Variants in ANO4 observed in about 807,000 individuals in gnomAD.
The protein encoded by ANO4 is anoctamin-4.
ANO4 carries 69 observed loss-of-function variants against 141.9 expected under a neutral mutation model. The observed-to-expected ratio is 0.49, with a 90% CI of 0.40 to 0.59. The LOEUF is 0.59. Among genes scored for constraint, ANO4 ranks in the 20% least tolerant of loss-of-function variants. The pLI is 0.00. For missense variants in ANO4, 894 were observed against 1,162.2 expected (o/e 0.77, Z 3.36); for synonymous variants, 350 against 394.3 (o/e 0.89, Z 1.33).
Position 100,721,685 on chromosome 12 carries a change from G to A in ANO4, c.22+4138G>A, listed in dbSNP as rs984331446. Among the ~76,000 whole-genome samples the A allele has an allele frequency of 2.0e-5, 3 of 151,840 alleles. No individual in the cohort carries two copies. The East Asian group carries it at 5.8e-4, about 29-fold the overall frequency. On this transcript the variant is annotated intron_variant, in intron 1 of 29. Coordinates refer to the ANO4 transcript ENST00000644049. ...TAACAGTGACCTTGAGTAAATTTTT[G>A]TTTGTTTGTTTGAGACAATGTCTCA...
At chr12:100,771,192 A>G (rs1329317436) in intron 3 of ANO4, among the ~76,000 whole-genome samples, 1 of 151,740 alleles carries the variant, frequency 6.6e-6, no homozygotes, top group Non-Finnish European at 1.5e-5. Context: ...GGCAGGAAAG[A>G]AGGGTTTGAT....
intron 5 of ANO4, 101 bp from the exon 6 acceptor site, chr12:100,971,202 AATC>A: frequency 2.8e-6 from 2 of 704,200 alleles, no homozygotes; most frequent in Non-Finnish European, 4.7e-6. Flanking sequence ...GAATGCCCCA[AATC>A]ATAAACTCTG....
intron 14 of ANO4, among the ~76,000 whole-genome samples, chr12:101,069,466 G>A (rs1454160750): frequency 6.6e-6 from 1 of 152,184 alleles, no homozygotes; most frequent in Admixed American, 6.5e-5. Context: ...CCTCTGGGCA[G>A]AATCTAAATA....
At chr12:100,809,404 T>C (rs995293110) in intron 1 of ANO4, among the ~76,000 whole-genome samples, 9 of 138,624 alleles carry the variant, frequency 6.5e-5, no homozygotes, top group African/African-American at 1.9e-4. Context: ...AAAAAAAGGG[T>C]AATGTGCTTT....
chr12:100,793,274 T>C (rs567287013), upstream of ANO4, among the ~76,000 whole-genome samples: 8 of 152,344 alleles, frequency 5.3e-5, no homozygotes, highest in African/African-American at 1.9e-4. Context: ...TTTCCTTATA[T>C]AATTTACAAG....
intron 1 of ANO4, among the ~76,000 whole-genome samples, chr12:100,726,951 T>G: frequency 7.2e-6 from 1 of 138,910 alleles, no homozygotes; most frequent in African/African-American, 2.6e-5. Context: ...ATTTAATAGT[T>G]GCCCCGGGAC....
intron 2 of ANO4, among the ~76,000 whole-genome samples, chr12:100,910,682 G>T (rs1429623649): frequency 6.6e-6 from 1 of 152,062 alleles, no homozygotes; most frequent in African/African-American, 2.4e-5. Flanking sequence ...CCCAGCTAAT[G>T]ACTATGCCAT....
intron 1 of ANO4, among the ~76,000 whole-genome samples, chr12:100,818,692 C>T (rs17401978): frequency 0.23 from 35,599 of 151,744 alleles, 4,727 homozygotes; most frequent in Middle Eastern, 0.33. Context: ...ATTGCTAAAC[C>T]TTTCTGGATT....
In ANO4 at chr12:100,922,288, A is replaced by G; in HGVS notation, c.118A>G (p.Ser40Gly). Residue 40 changes from serine to glycine, a missense_variant, in exon 3 of 28, where the codon AGT (serine) becomes GGT (glycine). Around this residue, in one of 2 missense-constraint regions of ANO4, gnomAD observed 257 missense variants for 253.0 expected, o/e 1.02. Coordinates refer to ENST00000392977, the MANE Select transcript of ANO4 (RefSeq NM_001286615.2). ...GCAAATACTACCTGACGGGCCAAAG[A>G]GTGATGTGGACTTTTCAGAGATTCT... ...DMQILPDGPK[S>G]DVDFSEILNA... The G allele has an allele frequency of 6.5e-7, 1 of 1,533,354 alleles. No individual in the cohort carries two copies. The allele number at this position is 1,533,354 out of a possible 1,614,324, so 95.0% of individuals were successfully genotyped here.
chr12:100,877,749 A>G (rs771790491), intron 1 of ANO4, among the ~76,000 whole-genome samples: 13 of 152,054 alleles, frequency 8.5e-5, no homozygotes, highest in Non-Finnish European at 7.4e-5. Flanking sequence ...GCAAGTACAG[A>G]GTAGAGGGAT....
chr12:101,074,347 C>T (rs921202018), intron 14 of ANO4, among the ~76,000 whole-genome samples: 1 of 152,196 alleles, frequency 6.6e-6, no homozygotes, highest in Admixed American at 6.5e-5. Context: ...CACGGTCTCA[C>T]TGGGTCACCT....
rs368523960 is a variant in ANO4, at chr12:100,950,619, G to A, written c.456+8084G>A. Among the ~76,000 whole-genome samples, 6 of 152,174 alleles carry A rather than the reference G, an allele frequency of 3.9e-5. No homozygotes were observed. The East Asian group carries it at 1.2e-3, about 29-fold the overall frequency. ...GCAGAAGAGAACAGCTAAGCCAAAA[G>A]CATGGCCTCAGCTGGACACTACCTT... On this transcript the variant is annotated intron_variant, in intron 5 of 27. Transcript: ENST00000392977.
At chr12:100,926,856 T>C (rs779954914) in intron 3 of ANO4, among the ~76,000 whole-genome samples, 14 of 151,724 alleles carry the variant, frequency 9.2e-5, no homozygotes, top group South Asian at 6.3e-4. Context: ...AGGCTTCTGG[T>C]AGGGGGAATG....
At chr12:101,010,814 A>T (rs530205225) in intron 8 of ANO4, among the ~76,000 whole-genome samples, 1 of 152,296 alleles carries the variant, frequency 6.6e-6, no homozygotes, top group African/African-American at 2.4e-5. Context: ...ATCAGAAAAG[A>T]CTGGTATGTT....
At chr12:100,937,465 A>C (rs2042330582) in intron 3 of ANO4, among the ~76,000 whole-genome samples, 3 of 152,162 alleles carry the variant, frequency 2.0e-5, no homozygotes, top group Non-Finnish European at 2.9e-5. Flanking sequence ...CTCCCAAAAC[A>C]CTGGACATAT....
rs190167099 is a variant in ANO4 at position 101,110,441 on chromosome 12, T to C, written c.2187T>C (p.Ala729=). The part of the protein sequence containing the change: ...QFGFTTIFVA[A]FPLAPLLALL... ...GATTCACAACTATCTTTGTGGCAGC[T>C]TTTCCCCTAGCACCACTTCTGGCCT... The change falls in exon 23 of 28, where the codon GCT becomes GCC. Residue 729 remains alanine (A), a synonymous_variant. Coordinates refer to ENST00000392977, the MANE Select transcript of ANO4 (RefSeq NM_001286615.2). The C allele has an allele frequency of 1.9e-6, 3 of 1,607,792 alleles. No homozygotes were observed. In the African/African-American group the frequency reaches 4.0e-5, roughly 21 times the overall value.
At chr12:100,855,893 A>G (rs1565940458) in intron 1 of ANO4, among the ~76,000 whole-genome samples, 1 of 152,204 alleles carries the variant, frequency 6.6e-6, no homozygotes, top group African/African-American at 2.4e-5. Flanking sequence ...GGATATAGAT[A>G]TACTATCAAC....
At chr12:100,864,034 TG>T (rs1168104198) in intron 1 of ANO4, among the ~76,000 whole-genome samples, 1 of 152,196 alleles carries the variant, frequency 6.6e-6, no homozygotes. Flanking sequence ...TGTTTTCCTC[TG>T]GGTTGGCTTC....
At chr12:101,116,584 C>T in intron 24 of ANO4, 95 bp from the exon 25 acceptor site, 4 of 1,564,076 alleles carry the variant, frequency 2.6e-6, no homozygotes, top group Middle Eastern at 1.7e-4. Flanking sequence ...AAGGCATTTA[C>T]AATTGCAGTG....
Sources: gnomAD v4.1 joint callset for allele counts (sites outside exome capture counted in the v4.1 genomes callset) on GRCh38, gnomAD v4.1.1 for gene constraint, gnomAD v4.1.1 regional missense constraint, MANE v1.5 for transcripts, NCBI Gene and HGNC (gene_info 2026-07-23, HGNC 2026-07-21) for gene names.